ENTPD4: variants seen among roughly 807,000 people sequenced by gnomAD.
ENTPD4 encodes the protein ectonucleoside triphosphate diphosphohydrolase 4.
Under a neutral mutation model 79.1 loss-of-function variants are expected in ENTPD4, and 60 were observed. The ratio of observed to expected loss-of-function variants is 0.76; its 90% CI spans 0.62 to 0.94. ENTPD4 has a LOEUF of 0.94. ENTPD4 is among the 40% of genes least tolerant of loss of function. The pLI, the probability that ENTPD4 is intolerant of heterozygous loss-of-function variation, is 0.00. For missense variants in ENTPD4, 772 were observed against 775.1 expected, an observed-to-expected ratio of 1.00 and a Z score of 0.05; for synonymous variants, 276 against 292.0, an observed-to-expected ratio of 0.95 and a Z score of 0.56.
At chr8:23,456,939 A>G (rs1800969001) in intron 1 of ENTPD4, among the ~76,000 whole-genome samples, 1 of 152,226 alleles carries the variant, frequency 6.6e-6, no homozygotes, top group Admixed American at 6.5e-5. Context: ...TGTTCTCTGA[A>G]AACGCTCTGC....
rs3115066 is a variant in ENTPD4 at position 23,431,625 on chromosome 8, G to T, written c.*1301C>A. 3.0e-6 allele frequency: 3 copies of T among 985,328 alleles called. No homozygotes were observed. The highest frequency in any genetic ancestry group is 5.2e-4 in the Middle Eastern group (1 of 1,936). 61.0% of individuals were successfully genotyped at this position (985,328 alleles called of 1,614,324 possible). ...CAGCCTCAGTCAATGCGGTTAGGAA[G>T]AGGACTCGGCAGGCTGTGCATGGGG... On this transcript the variant is annotated 3_prime_UTR_variant, in exon 13 of 13. Transcript: ENST00000358689.
intron 2 of ENTPD4, 112 bp from the exon 3 acceptor site, chr8:23,449,051 T>C: frequency 1.3e-6 from 1 of 764,964 alleles, no homozygotes. Context: ...TTTCCCTAAC[T>C]GTAGGTATCT....
At chr8:23,436,871 C>T in intron 10 of ENTPD4, 63 bp downstream of exon 10, 1 of 1,276,198 alleles carries the variant, frequency 7.8e-7, no homozygotes, top group Non-Finnish European at 1.1e-6. Context: ...GAGGACATAA[C>T]CCGTCACCGT....
At chr8:23,452,175 T>C (rs1043840079) in intron 1 of ENTPD4, among the ~76,000 whole-genome samples, 1 of 152,190 alleles carries the variant, frequency 6.6e-6, no homozygotes, top group Non-Finnish European at 1.5e-5. Context: ...GTGTTTCTCT[T>C]TTTTGTCTCT....
chr8:23,450,437 G>A (rs1450678699), intron 1 of ENTPD4, among the ~76,000 whole-genome samples: 6 of 152,140 alleles, frequency 3.9e-5, no homozygotes, highest in Admixed American at 6.5e-5. Context: ...TCAGTTCTCC[G>A]ACTCCACCAT....
Position 23,447,838 on chromosome 8 carries a change from G to C in ENTPD4, c.254C>G (p.Pro85Arg), listed in dbSNP as rs1399091761. Residue 85 changes from proline to arginine, a missense_variant, in exon 4 of 13, where the codon CCC becomes CGC. Pro to Arg is a moderately radical substitution (Grantham distance 103, BLOSUM62 -2). Transcript: ENST00000358689. The stretch of plus-strand genomic sequence containing the variant: ...CACCACGATCCCATAGTTCACATTG[G>C]GGTTATTGGTGTCTGTAGCTTCAAT... ...TDIEATDTNN[P>R]NVNYGIVVDC... 4 of 1,614,024 alleles carry C rather than the reference G, an allele frequency of 2.5e-6. No homozygotes were observed. The highest frequency in any genetic ancestry group is 3.4e-6 in the Non-Finnish European group (4 of 1,180,028).
rs1800805135 is a variant in ENTPD4 at position 23,448,732 on chromosome 8, T to A, written c.206+10A>T. ...TTCTGGTCTAGAAAGCAAATGTTTTTATCTCTTACCTTTGAAATTTCTTGT... is the reference window on the plus strand; with the variant it reads ...TTCTGGTCTAGAAAGCAAATGTTTTAATCTCTTACCTTTGAAATTTCTTGT... On this transcript the variant is annotated intron_variant, in intron 3 of 12. Coordinates refer to ENST00000358689, the MANE Select transcript of ENTPD4 (RefSeq NM_004901.5). The A allele has an allele frequency of 6.2e-7, 1 of 1,611,714 alleles. No individual in the cohort carries two copies.
chr8:23,443,824 T>C, intron 6 of ENTPD4, 26 bp downstream of exon 6: 1 of 1,457,690 alleles, frequency 6.9e-7, no homozygotes, highest in Non-Finnish European at 9.6e-7. Flanking sequence ...CTTCCCAAAT[T>C]TTAAACTGAA....
chr8:23,451,478 C>T (rs911890539), intron 1 of ENTPD4, among the ~76,000 whole-genome samples: 7 of 152,158 alleles, frequency 4.6e-5, no homozygotes, highest in Admixed American at 3.9e-4. Flanking sequence ...CCAGTGACCT[C>T]GCCTTTATCA....
chr8:23,448,807 T>A lies in ENTPD4; in HGVS notation c.141A>T (p.Leu47Phe), dbSNP rs1291590893. The change falls in exon 3 of 13, where the codon TTA (leucine) becomes TTT (phenylalanine). Residue 47 changes from leucine to phenylalanine, a missense_variant. Transcript: ENST00000358689. ...TTCGGATTATGACAACAGAAAAATA[T>A]AAAAGTGAAACAGCAGCAGCCAGGA... ...ISVLAAAVSL[L>F]YFSVVIIRNK... 1 of 1,614,114 alleles carries A rather than the reference T, an allele frequency of 6.2e-7. No homozygotes were observed. The highest frequency in any genetic ancestry group is 2.2e-5 in the East Asian group (1 of 44,868).
At position 23,436,991 on chromosome 8, in the gene ENTPD4, C is replaced by T; in HGVS notation, c.1317G>A (p.Glu439=). 1 of 1,613,390 alleles carries T rather than the reference C, an allele frequency of 6.2e-7. No homozygotes were observed. The highest frequency in any genetic ancestry group is 1.7e-4 in the Middle Eastern group (1 of 6,052). ...AGTCTCCCCCCATTCGTAACACATC[C>T]TCGGTGCAGTAGTAGAATTCGGAGA... ...YGFSEFYYCT[E]DVLRMGGDYN... is the part of the protein sequence containing the mutation. The change falls in exon 10 of 13, where the codon GAG becomes GAA. Residue 439 remains glutamate (E), a synonymous_variant. Coordinates refer to ENST00000358689, the MANE Select transcript of ENTPD4 (RefSeq NM_004901.5).
intron 9 of ENTPD4, among the ~76,000 whole-genome samples, chr8:23,438,455 G>A (rs1008265376): frequency 6.6e-6 from 1 of 152,190 alleles, no homozygotes; most frequent in Non-Finnish European, 1.5e-5. Flanking sequence ...AGAGATAAAT[G>A]TGTACTTCAA....
intron 10 of ENTPD4, 55 bp downstream of exon 10, chr8:23,436,879 C>T (rs2272643): frequency 0.16 from 220,934 of 1,357,566 alleles, 19,160 homozygotes; most frequent in Middle Eastern, 0.19. Flanking sequence ...AACCCGTCAC[C>T]GTCCACACTG....
intron 1 of ENTPD4, 140 bp from the exon 2 acceptor site, chr8:23,450,137 A>G (rs1204132194): frequency 3.5e-6 from 2 of 571,076 alleles, no homozygotes; most frequent in Non-Finnish European, 6.3e-6. Context: ...GTTTATTCTG[A>G]GCAACACACT....
intron 5 of ENTPD4, 33 bp downstream of exon 5, chr8:23,444,423 C>T: frequency 6.3e-7 from 1 of 1,598,524 alleles, no homozygotes; most frequent in South Asian, 1.1e-5. Context: ...TCCAGGAACC[C>T]ACCCTCACCC....
At chr8:23,456,642 C>T (rs1023797706) in intron 1 of ENTPD4, among the ~76,000 whole-genome samples, 2 of 152,190 alleles carry the variant, frequency 1.3e-5, no homozygotes, top group African/African-American at 2.4e-5. Flanking sequence ...GATTCAACTA[C>T]ACGAATTAGT....
At chr8:23,445,048 AC>A (rs1252658517) in intron 4 of ENTPD4, among the ~76,000 whole-genome samples, 7 of 151,924 alleles carry the variant, frequency 4.6e-5, no homozygotes, top group African/African-American at 1.7e-4. Context: ...CCTCACAGCC[AC>A]CCCCAATGCA....
chr8:23,442,153 A>G, intron 6 of ENTPD4, 87 bp from the exon 7 acceptor site: 2 of 834,752 alleles, frequency 2.4e-6, no homozygotes, highest in Middle Eastern at 6.2e-4. Flanking sequence ...CAAACGTCTC[A>G]CTTATTTCAC....
rs546428643 is a variant in ENTPD4 at position 23,429,625 on chromosome 8, G to GT, written c.*3300dup. On this transcript the variant is annotated 3_prime_UTR_variant, in exon 13 of 13. Transcript: ENST00000358689. ...GGAAAACTACTCTGTGTAGGCCTGA[G>GT]TTTAAAATGTAAATATCTGTTTATC... 34 of 985,428 alleles carry GT rather than the reference G, an allele frequency of 3.5e-5. No homozygotes were observed. In the African/African-American group the frequency reaches 5.8e-4, roughly 17 times the overall value. The allele number at this position is 985,428 out of a possible 1,614,324, so 61.0% of individuals were successfully genotyped here.
Sources: allele counts gnomAD v4.1 joint callset (sites outside exome capture counted in the v4.1 genomes callset), GRCh38; gene constraint gnomAD v4.1.1; transcripts MANE v1.5; gene names NCBI Gene and HGNC (gene_info 2026-07-23, HGNC 2026-07-21).